Variants in ATXN10 observed in about 807,000 individuals in gnomAD.
ATXN10 encodes ataxin 10.
A neutral mutation model predicts 52.9 loss-of-function variants in ATXN10; 28 were observed. The ratio of observed to expected loss-of-function variants is 0.53; its 90% CI spans 0.39 to 0.73. ATXN10 has a LOEUF of 0.73. Among genes scored for constraint, ATXN10 ranks in the 30% least tolerant of loss-of-function variants. The probability of loss-of-function intolerance (pLI) is 0.00; values close to 1 mark genes in which losing one functional copy is unlikely to be tolerated. For synonymous variants in ATXN10, 226 were observed against 221.5 expected (o/e 1.02, Z -0.18); for missense variants, 565 against 577.0 (o/e 0.98, Z 0.21).
Position 45,795,354 on chromosome 22 carries a change from G to GATTCT in ATXN10, c.1174-11539_1174-11535dup, listed in dbSNP as rs60726084. ...ATCCAACTAAAAGACTACTAGAATG[G>GATTCT]ATTCTATTCTATTCTATTCTATTCT... is the stretch of plus-strand genomic sequence containing the variant. On this transcript the variant is annotated intron_variant, in intron 9 of 11. Transcript: ENST00000252934. This position sits in a 1 kb window ranked among gnomAD's most constrained non-coding sequence, Gnocchi z 4.6. 0.1 allele frequency among the ~76,000 whole-genome samples: 12,762 copies of GATTCT among 126,512 alleles called. 1,350 individuals carry two copies. Among genetic ancestry groups the GATTCT allele is most frequent in the East Asian group, 0.16 (655 of 4,020 alleles). The allele number at this position is 126,512 out of a possible 152,430, so 83.0% of individuals were successfully genotyped here. A position where few individuals can be genotyped will look rare whatever the true frequency, so the allele number is the denominator to read the frequency against.
In ATXN10 at chr22:45,780,488, C is replaced by G. The variant is rs963948184; in HGVS notation, c.1174-26471C>G. Among the ~76,000 whole-genome samples, 2 of 152,140 alleles carry G rather than the reference C, an allele frequency of 1.3e-5. No individual in the cohort carries two copies. The highest frequency in any genetic ancestry group is 4.8e-5 in the African/African-American group (2 of 41,428). ...GGTCTGGCTCTGGAGTCAGGCAGAC[C>G]TAGGTTCAACCCTGGCCCTGCTGTG... On this transcript the variant is annotated intron_variant, in intron 9 of 11. Transcript: ENST00000252934. This position sits in a 1 kb window ranked among gnomAD's most constrained non-coding sequence, Gnocchi z 4.0.
At chr22:45,689,244 C>A (rs560052288) in intron 1 of ATXN10, among the ~76,000 whole-genome samples, 2 of 152,308 alleles carry the variant, frequency 1.3e-5, no homozygotes, top group East Asian at 1.9e-4. Context: ...AGAATATATT[C>A]TCTGTCTAGA....
chr22:45,692,940 T>C, intron 2 of ATXN10, 56 bp from the exon 3 acceptor site: 2 of 1,438,436 alleles, frequency 1.4e-6, no homozygotes, highest in South Asian at 2.3e-5. Flanking sequence ...AAAACAGCCA[T>C]AGACAATATA....
In ATXN10 at chr22:45,784,693, G is replaced by A. The variant is rs898566902; in HGVS notation, c.1174-22266G>A. On this transcript the variant is annotated intron_variant, in intron 9 of 11. Transcript: ENST00000252934. This position sits in a 1 kb window ranked among gnomAD's most constrained non-coding sequence, Gnocchi z 4.2. ...AGAGCAGGGCCCAAATTGACCTCAT[G>A]GCTATTCTTACACATTCCAGATAGT... 4.6e-5 allele frequency among the ~76,000 whole-genome samples: 7 copies of A among 152,176 alleles called. No individual in the cohort carries two copies. The highest frequency in any genetic ancestry group is 7.3e-5 in the Non-Finnish European group (5 of 68,028).
At chr22:45,704,774 C>G (rs1287897705) in intron 5 of ATXN10, among the ~76,000 whole-genome samples, 1 of 151,848 alleles carries the variant, frequency 6.6e-6, no homozygotes, top group Non-Finnish European at 1.5e-5. Flanking sequence ...CTTTCTTTTC[C>G]TTGCCTAGTT....
intron 9 of ATXN10, among the ~76,000 whole-genome samples, chr22:45,791,956 T>G (rs867199882): frequency 5.3e-5 from 8 of 152,188 alleles, no homozygotes; most frequent in Non-Finnish European, 8.8e-5. Flanking sequence ...CTTTAAAAAT[T>G]TTTGTTCTTT....
At chr22:45,695,598 A>T (rs1249624501) in intron 3 of ATXN10, among the ~76,000 whole-genome samples, 1 of 150,316 alleles carries the variant, frequency 6.7e-6, no homozygotes, top group Non-Finnish European at 1.5e-5. Context: ...GGTTCAAGCG[A>T]TTCTCCTGCC....
In ATXN10 at chr22:45,710,134, A is replaced by G. The variant is rs1015732154; in HGVS notation, c.647+7287A>G. Among the ~76,000 whole-genome samples, 4 of 152,300 alleles carry G rather than the reference A, an allele frequency of 2.6e-5. No homozygotes were observed. The South Asian group carries it at 8.3e-4, about 32-fold the overall frequency. On this transcript the variant is annotated intron_variant, in intron 5 of 11. Transcript: ENST00000252934. ...TTGTCACTCCTTGCTTAAATAAACCATTCAGTGCCTTCTTATTGCAACCTA... is the reference window on the plus strand; with the variant it reads ...TTGTCACTCCTTGCTTAAATAAACCGTTCAGTGCCTTCTTATTGCAACCTA...
At chr22:45,679,488 C>T (rs1922831192) in intron 1 of ATXN10, 1 of 152,114 alleles carries the variant, frequency 6.6e-6, no homozygotes, top group African/African-American at 2.4e-5. Context: ...GTCAACATAC[C>T]ACAGAGGTAA....
intron 9 of ATXN10, among the ~76,000 whole-genome samples, chr22:45,785,733 G>GCCA (rs1927301527): frequency 6.6e-6 from 1 of 152,232 alleles, no homozygotes; most frequent in Non-Finnish European, 1.5e-5. Context: ...ATTACCTCTT[G>GCCA]TTCTGTGGAA....
Position 45,824,522 on chromosome 22 carries a change from ACTT to A in ATXN10, c.1237+17501_1237+17503del, listed in dbSNP as rs891368257. Among the ~76,000 whole-genome samples the A allele has an allele frequency of 1.3e-5, 2 of 152,114 alleles. No individual in the cohort carries two copies. Among genetic ancestry groups the A allele is most frequent in the Non-Finnish European group, 2.9e-5 (2 of 68,032 alleles). On this transcript the variant is annotated intron_variant, in intron 10 of 11. Transcript: ENST00000252934. The surrounding 1 kb of genome is among the most constrained non-coding windows in gnomAD (Gnocchi z 5.2). ...TCCCCCTTCCATAGTGATTGTCTTT[ACTT>A]TCCATCCCTTAGTTGAAAATTGGTA...
intron 10 of ATXN10, among the ~76,000 whole-genome samples, chr22:45,810,759 A>G (rs1189209803): frequency 2.0e-5 from 3 of 152,198 alleles, no homozygotes; most frequent in East Asian, 1.9e-4. Context: ...AATTTTTATT[A>G]TAACTTCTTT....
chr22:45,720,203 C>CT (rs1274927490), intron 6 of ATXN10, among the ~76,000 whole-genome samples: 1 of 152,000 alleles, frequency 6.6e-6, no homozygotes, highest in East Asian at 1.9e-4. Flanking sequence ...TATTTATTCT[C>CT]TTTTTTGTCA....
At chr22:45,689,989 T>C in intron 2 of ATXN10, 86 bp downstream of exon 2, 6 of 1,455,640 alleles carry the variant, frequency 4.1e-6, no homozygotes, top group Non-Finnish European at 5.7e-6. Context: ...GAAGTTGTTT[T>C]GGGCTGGGTA....
At chr22:45,813,416 GT>G (rs535658011) in intron 10 of ATXN10, among the ~76,000 whole-genome samples, 3 of 134,016 alleles carry the variant, frequency 2.2e-5, no homozygotes, top group African/African-American at 5.8e-5. Flanking sequence ...GTTGTTTTGG[GT>G]TTTTTTGTTT....
intron 1 of ATXN10, among the ~76,000 whole-genome samples, chr22:45,687,735 A>G (rs1923202811): frequency 6.6e-6 from 1 of 152,126 alleles, no homozygotes; most frequent in Admixed American, 6.5e-5. Context: ...TGTCTACAAT[A>G]TATTTGGTAC....
At position 45,766,819 on chromosome 22, in the gene ATXN10, A is replaced by G. The variant is rs1490524177; in HGVS notation, c.1173+26281A>G. The stretch of plus-strand genomic sequence containing the variant: ...ACAAAGAGTTTCCAAAAATAAAGGA[A>G]AAAACCAATAGCCCTACAGAAAAAT... On this transcript the variant is annotated intron_variant, in intron 9 of 11. Coordinates refer to ENST00000252934, the MANE Select transcript of ATXN10 (RefSeq NM_013236.4). This position sits in a 1 kb window ranked among gnomAD's most constrained non-coding sequence, Gnocchi z 4.6. Among the ~76,000 whole-genome samples the G allele has an allele frequency of 6.6e-6, 1 of 152,256 alleles. No individual in the cohort carries two copies. The highest frequency in any genetic ancestry group is 6.5e-5 in the Admixed American group (1 of 15,286).
At chr22:45,730,853 G>C (rs1288210497) in intron 7 of ATXN10, among the ~76,000 whole-genome samples, 1 of 152,168 alleles carries the variant, frequency 6.6e-6, no homozygotes, top group Non-Finnish European at 1.5e-5. Flanking sequence ...AAGTGAAATT[G>C]CTATGTATAA....
chr22:45,758,987 G>A (rs1397595594), intron 9 of ATXN10, among the ~76,000 whole-genome samples: 6 of 152,160 alleles, frequency 3.9e-5, no homozygotes, highest in Non-Finnish European at 2.9e-5. Flanking sequence ...GAGTTAACAA[G>A]ATTTAATGTA....
Sources: gnomAD v4.1 joint callset for allele counts (sites outside exome capture counted in the v4.1 genomes callset) on GRCh38, gnomAD v4.1.1 for gene constraint, Gnocchi (gnomAD v3.1) non-coding constraint, MANE v1.5 for transcripts, NCBI Gene and HGNC (gene_info 2026-07-23, HGNC 2026-07-21) for gene names.